Variants in HPSE2 observed in about 807,000 individuals in gnomAD.
HPSE2 encodes the protein heparanase 2 (inactive), also known as inactive heparanase-2.
Under a neutral mutation model 60.5 loss-of-function variants are expected in HPSE2, and 38 were observed. That is an observed-to-expected ratio of 0.63 (90% CI 0.48 to 0.82). HPSE2 has a LOEUF of 0.82. Among genes scored for constraint, HPSE2 ranks in the 40% least tolerant of loss-of-function variants. The pLI is 0.00. For synonymous variants in HPSE2, 295 were observed against 293.2 expected (o/e 1.01, Z -0.06); for missense variants, 713 against 740.4 (o/e 0.96, Z 0.43).
At chr10:99,169,095 A>C (rs1847199221) in intron 2 of HPSE2, among the ~76,000 whole-genome samples, 2 of 147,478 alleles carry the variant, frequency 1.4e-5, no homozygotes, top group Non-Finnish European at 3.0e-5. Context: ...CGGGAGGCTG[A>C]GGTGGGAGAA....
At position 98,597,436 on chromosome 10, in the gene HPSE2, G is replaced by A. The variant is rs539182699; in HGVS notation, c.1320+17468C>T. Among the ~76,000 whole-genome samples, 9 of 151,928 alleles carry A rather than the reference G, an allele frequency of 5.9e-5. No individual in the cohort carries two copies. The South Asian group carries it at 6.2e-4, about 11-fold the overall frequency. On this transcript the variant is annotated intron_variant, in intron 9 of 11. Coordinates refer to ENST00000370552, the MANE Select transcript of HPSE2 (RefSeq NM_021828.5). ...TCCCAGCACTTTGGAAGGCCAAGGCGGGTGGATTGCCTGAGCTCAGGAGTT... is the reference window on the plus strand; with the variant it reads ...TCCCAGCACTTTGGAAGGCCAAGGCAGGTGGATTGCCTGAGCTCAGGAGTT...
At chr10:99,071,817 G>A (rs1203809173) in intron 3 of HPSE2, among the ~76,000 whole-genome samples, 1 of 152,142 alleles carries the variant, frequency 6.6e-6, no homozygotes, top group Non-Finnish European at 1.5e-5. Flanking sequence ...ATTTATTGAA[G>A]AGACTATCTT....
chr10:99,230,531 T>C (rs1849609239), intron 2 of HPSE2, among the ~76,000 whole-genome samples: 1 of 152,034 alleles, frequency 6.6e-6, no homozygotes, highest in Non-Finnish European at 1.5e-5. Context: ...TTTCCGTTTA[T>C]GTTTTTTTTT....
intron 3 of HPSE2, among the ~76,000 whole-genome samples, chr10:98,801,284 T>A (rs1950900426): frequency 1.3e-5 from 2 of 152,070 alleles, no homozygotes; most frequent in Admixed American, 1.3e-4. Context: ...AAATCTTTCC[T>A]CTAATATATG....
intron 1 of HPSE2, among the ~76,000 whole-genome samples, chr10:99,234,257 C>A (rs548990746): frequency 3.8e-4 from 58 of 152,314 alleles, no homozygotes; most frequent in Non-Finnish European, 7.2e-4. Flanking sequence ...GCTACCTTTC[C>A]TCCACGTGGA....
At chr10:99,063,651 T>C (rs1251657444) in intron 3 of HPSE2, among the ~76,000 whole-genome samples, 2 of 152,110 alleles carry the variant, frequency 1.3e-5, no homozygotes, top group African/African-American at 2.4e-5. Flanking sequence ...AAAATACACA[T>C]AAAAGGATGC....
intron 3 of HPSE2, among the ~76,000 whole-genome samples, chr10:98,821,955 G>A (rs1042108809): frequency 6.6e-6 from 1 of 152,030 alleles, no homozygotes; most frequent in South Asian, 2.1e-4. Flanking sequence ...GCTCAGTCTT[G>A]GGCATCATAT....
intron 3 of HPSE2, among the ~76,000 whole-genome samples, chr10:98,991,592 G>A (rs1464294452): frequency 6.6e-6 from 1 of 152,148 alleles, no homozygotes; most frequent in East Asian, 1.9e-4. Context: ...TGAGGGACAT[G>A]AGAAGCCACT....
rs1214450704 is a variant in HPSE2 at position 98,936,978 on chromosome 10, C to CAAAAAA, written c.611-192928_611-192923dup. On this transcript the variant is annotated intron_variant, in intron 3 of 11. Transcript: ENST00000370552. ...TGGGCGACAGTAGGAGACTCCATCTCAAAAAAAAAAAAAAAAAAAAAAAAA... is the reference window on the plus strand; with the variant it reads ...TGGGCGACAGTAGGAGACTCCATCTCAAAAAAAAAAAAAAAAAAAAAAAAAAAAAAA... Among the ~76,000 whole-genome samples the CAAAAAA allele has an allele frequency of 1.6e-3, 50 of 31,018 alleles. 8 individuals carry two copies. Among genetic ancestry groups the CAAAAAA allele is most frequent in the African/African-American group, 5.8e-3 (49 of 8,436 alleles). The allele number at this position is 31,018 out of a possible 152,430, so 20.3% of individuals were successfully genotyped here. A position where few individuals can be genotyped will look rare whatever the true frequency, so the allele number is the denominator to read the frequency against.
At chr10:99,306,442 C>T in the HPSE2 span, among the ~76,000 whole-genome samples, 9 of 152,144 alleles carry the variant, frequency 5.9e-5, no homozygotes, top group African/African-American at 2.2e-4. Context: ...CCAGTCTCTC[C>T]TCCTTGCTCT....
At chr10:98,817,561 TA>T (rs1262657340) in intron 3 of HPSE2, among the ~76,000 whole-genome samples, 2 of 152,128 alleles carry the variant, frequency 1.3e-5, no homozygotes, top group African/African-American at 2.4e-5. Flanking sequence ...CAGAGGCTAA[TA>T]AAAAAACCAA....
Position 98,488,171 on chromosome 10 carries a change from C to G in HPSE2, c.1466+1880G>C, listed in dbSNP as rs144783511. 5.4e-3 allele frequency among the ~76,000 whole-genome samples: 817 copies of G among 152,320 alleles called. 14 individuals carry two copies. The highest frequency in any genetic ancestry group is 4.2e-3 in the Non-Finnish European group (284 of 68,018). On this transcript the variant is annotated intron_variant, in intron 10 of 11. Transcript: ENST00000370552. ...GAGGAGAGCTGGTGGTGTAGACAGA[C>G]AGTCTTGAATGCAGATAATTTCAGT...
At chr10:99,115,685 TG>T (rs1844661320) in intron 3 of HPSE2, among the ~76,000 whole-genome samples, 1 of 152,198 alleles carries the variant, frequency 6.6e-6, no homozygotes, top group South Asian at 2.1e-4. Flanking sequence ...TTTCCCATAT[TG>T]TTTTTTTCTG....
chr10:99,212,187 T>C (rs1848974855), intron 2 of HPSE2, among the ~76,000 whole-genome samples: 1 of 152,040 alleles, frequency 6.6e-6, no homozygotes, highest in Admixed American at 6.6e-5. Context: ...TAAGTGTTGG[T>C]GAGGGTGTAG....
chr10:98,694,291 T>C (rs146877811), intron 5 of HPSE2, among the ~76,000 whole-genome samples: 1 of 152,314 alleles, frequency 6.6e-6, no homozygotes, highest in Non-Finnish European at 1.5e-5. Flanking sequence ...TCCTATTCTC[T>C]AAGGACTCCA....
At chr10:98,498,194 C>A (rs576274341) in intron 9 of HPSE2, among the ~76,000 whole-genome samples, 2 of 152,266 alleles carry the variant, frequency 1.3e-5, no homozygotes, top group East Asian at 3.9e-4. Context: ...CAAGAACAAC[C>A]AGCAATCCTG....
intron 3 of HPSE2, among the ~76,000 whole-genome samples, chr10:98,905,868 G>A (rs1953800789): frequency 6.6e-6 from 1 of 152,072 alleles, no homozygotes. Context: ...TGCCCTTCAG[G>A]GTCAGGGACA....
chr10:99,306,787 G>A, the HPSE2 span, among the ~76,000 whole-genome samples: 1 of 152,118 alleles, frequency 6.6e-6, no homozygotes, highest in Non-Finnish European at 1.5e-5. Flanking sequence ...TCGGCTCACT[G>A]CAACCTCCAC....
chr10:98,512,421 A>C (rs1472450207), intron 9 of HPSE2, among the ~76,000 whole-genome samples: 2 of 151,990 alleles, frequency 1.3e-5, no homozygotes, highest in Non-Finnish European at 2.9e-5. Context: ...CTCTACTAAA[A>C]ACACACACAA....
Sources: allele counts gnomAD v4.1 joint callset (sites outside exome capture counted in the v4.1 genomes callset), GRCh38; gene constraint gnomAD v4.1.1; transcripts MANE v1.5; gene names NCBI Gene and HGNC (gene_info 2026-07-23, HGNC 2026-07-21).